Variants in SPC25 observed in about 807,000 individuals in gnomAD.
The protein encoded by SPC25 is kinetochore protein Spc25.
Under a neutral mutation model 29.6 loss-of-function variants are expected in SPC25, and 22 were observed. That is an observed-to-expected ratio of 0.74 (90% CI 0.53 to 1.06). SPC25 has a LOEUF of 1.06. Among genes scored for constraint, SPC25 ranks in the 50% least tolerant of loss-of-function variants. SPC25 has a pLI of 0.00. For missense variants in SPC25, 230 were observed against 255.8 expected (o/e 0.90, Z 0.69); for synonymous variants, 91 against 90.4 (o/e 1.01, Z -0.04).
chr2:168,864,285 G>GT (rs60068017), intron 4 of SPC25, among the ~76,000 whole-genome samples: 12 of 148,552 alleles, frequency 8.1e-5, no homozygotes, highest in Admixed American at 2.7e-4. Context: ...CTGTGATCCT[G>GT]TTTTTTTTTT....
intron 3 of SPC25, among the ~76,000 whole-genome samples, chr2:168,882,602 A>AAAATAAAT (rs111778371): frequency 4.7e-3 from 697 of 148,752 alleles, no homozygotes; most frequent in African/African-American, 0.014. Context: ...CCCTGTCTCA[A>AAAATAAAT]AAATAAATAA....
chr2:168,889,957 A>T (rs1224869741), intron 1 of SPC25, among the ~76,000 whole-genome samples: 1 of 152,124 alleles, frequency 6.6e-6, no homozygotes, highest in African/African-American at 2.4e-5. Context: ...ACCTCAGAAC[A>T]GTAAAAGTTA....
At chr2:168,881,834 C>T (rs1313852502) in intron 3 of SPC25, among the ~76,000 whole-genome samples, 1 of 152,168 alleles carries the variant, frequency 6.6e-6, no homozygotes, top group Non-Finnish European at 1.5e-5. Context: ...TTTATGAAGA[C>T]TTTAAATACC....
chr2:168,863,594 TGTTGTATTAAAG>T (rs1689623897), intron 4 of SPC25: 1 of 985,204 alleles, frequency 1.0e-6, no homozygotes, highest in Non-Finnish European at 1.2e-6. Context: ...TCCAAATTGA[TGTTGTATTAAAG>T]TTGTCTAAGT....
intron 4 of SPC25, among the ~76,000 whole-genome samples, chr2:168,864,634 T>TCTTA (rs796448347): frequency 8.9e-4 from 135 of 152,338 alleles, no homozygotes; most frequent in African/African-American, 3.2e-3. Context: ...TTGTTCATTA[T>TCTTA]CTTACTCTTT....
chr2:168,889,060 T>TAC (rs1690342061), intron 3 of SPC25, among the ~76,000 whole-genome samples, 166 bp downstream of exon 3: 5 of 53,098 alleles, frequency 9.4e-5, no homozygotes, highest in African/African-American at 2.4e-4. Flanking sequence ...TATATATACA[T>TAC]ATATATATAC....
chr2:168,868,443 A>G (rs1319164838), downstream of SPC25, among the ~76,000 whole-genome samples: 3 of 152,208 alleles, frequency 2.0e-5, no homozygotes, highest in African/African-American at 4.8e-5. Flanking sequence ...GATCAACAAA[A>G]TTGATAGACA....
intron 5 of SPC25, among the ~76,000 whole-genome samples, chr2:168,875,815 C>A (rs932499101): frequency 6.6e-6 from 1 of 152,012 alleles, no homozygotes; most frequent in Non-Finnish European, 1.5e-5. Flanking sequence ...GCTCAGAATA[C>A]AATGCTGATA....
intron 3 of SPC25, among the ~76,000 whole-genome samples, chr2:168,883,761 T>C (rs1690213999): frequency 6.6e-6 from 1 of 150,872 alleles, no homozygotes; most frequent in Admixed American, 6.6e-5. Flanking sequence ...CGATGCTGTA[T>C]GACCATTTTT....
In SPC25 at chr2:168,871,325, G is replaced by T; in HGVS notation, c.*106C>A. 9.0e-7 allele frequency: 1 copy of T among 1,114,922 alleles called. No homozygotes were observed. Among genetic ancestry groups the T allele is most frequent in the Non-Finnish European group, 1.2e-6 (1 of 802,706 alleles). The allele number at this position is 1,114,922 out of a possible 1,614,324, so 69.1% of individuals were successfully genotyped here. The stretch of plus-strand genomic sequence containing the variant: ...CATATGTAACAAACCTGCACATTGT[G>T]CACATGTACCCTAAAACTTAAAGTA... On this transcript the variant is annotated 3_prime_UTR_variant, in exon 7 of 7. Coordinates refer to ENST00000282074, the MANE Select transcript of SPC25 (RefSeq NM_020675.4).
At chr2:168,880,570 C>G (rs1314428287) in intron 3 of SPC25, among the ~76,000 whole-genome samples, 1 of 152,212 alleles carries the variant, frequency 6.6e-6, no homozygotes, top group East Asian at 1.9e-4. Context: ...TCTTATCATT[C>G]GTGTGTTCAC....
At chr2:168,865,059 G>A (rs541060772) in intron 4 of SPC25, 256 of 1,432,160 alleles carry the variant, frequency 1.8e-4, no homozygotes, top group Non-Finnish European at 2.4e-4. Flanking sequence ...ACCTTTACAT[G>A]TTTTTCTTTT....
intron 4 of SPC25, among the ~76,000 whole-genome samples, chr2:168,864,401 T>G (rs1346854316): frequency 6.6e-6 from 1 of 152,084 alleles, no homozygotes; most frequent in Non-Finnish European, 1.5e-5. Flanking sequence ...TTCTCCTGCC[T>G]CAGCCTCCTG....
intron 4 of SPC25, chr2:168,861,998 G>A (rs781159291): frequency 6.2e-7 from 1 of 1,614,116 alleles, no homozygotes; most frequent in Admixed American, 1.7e-5. Flanking sequence ...ACTTTGCAAG[G>A]CCTTGTATTC....
chr2:168,871,507 T>G lies in SPC25; in HGVS notation c.599A>C (p.Asn200Thr). The G allele has an allele frequency of 6.2e-7, 1 of 1,609,986 alleles. No individual in the cohort carries two copies. Among genetic ancestry groups the G allele is most frequent in the Non-Finnish European group, 8.5e-7 (1 of 1,178,544 alleles). ...HLEGLAEFQE[N>T]VRKTNNFSAF... ...TGAAAAATTGTTGGTCTTCCTTACA[T>G]TCTCTTGAAATTCTGCTAGGCCCTC... is the stretch of plus-strand genomic sequence containing the variant. Residue 200 changes from asparagine to threonine, a missense_variant, in exon 7 of 7, where the codon AAT becomes ACT. Transcript: ENST00000282074.
intron 4 of SPC25, among the ~76,000 whole-genome samples, chr2:168,865,777 A>AT (rs1559149867): frequency 6.6e-6 from 1 of 151,490 alleles, no homozygotes; most frequent in African/African-American, 2.4e-5. Context: ...CAAAGTCTCA[A>AT]GATACAAAAT....
chr2:168,889,647 T>C, intron 1 of SPC25, 114 bp from the exon 2 acceptor site: 1 of 1,079,346 alleles, frequency 9.3e-7, no homozygotes, highest in East Asian at 2.6e-5. Context: ...AATAGCAACT[T>C]ATCTTTAATT....
rs767738609 is a variant in SPC25 at position 168,889,493 on chromosome 2, G to A, written c.27C>T (p.Phe9=). MVEDELAL[F]DKSINEFWNK... is the part of the protein sequence containing the mutation. ...TCCAAAATTCATTTATGCTTTTATC[G>A]AAAAGTGCCAGTTCGTCCTCTACCA... The change falls in exon 2 of 7, where the codon TTC becomes TTT. Residue 9 remains phenylalanine, a synonymous_variant. Coordinates refer to ENST00000282074, the MANE Select transcript of SPC25 (RefSeq NM_020675.4). 3.7e-6 allele frequency: 6 copies of A among 1,613,570 alleles called. No homozygotes were observed. The highest frequency in any genetic ancestry group is 3.3e-5 in the Admixed American group (2 of 59,962).
intron 4 of SPC25, among the ~76,000 whole-genome samples, chr2:168,861,655 A>C (rs916698168): frequency 6.6e-6 from 1 of 152,210 alleles, no homozygotes; most frequent in African/African-American, 2.4e-5. Context: ...AAACTGGTGA[A>C]TGTTTTCCAA....
Sources: allele counts gnomAD v4.1 joint callset (sites outside exome capture counted in the v4.1 genomes callset), GRCh38; gene constraint gnomAD v4.1.1; transcripts MANE v1.5; gene names NCBI Gene and HGNC (gene_info 2026-07-23, HGNC 2026-07-21).